The following FKBP7 variants were observed in gnomAD, a reference collection of about 807,000 sequenced individuals.
The protein encoded by FKBP7 is FKBP prolyl isomerase 7, also known as peptidyl-prolyl cis-trans isomerase FKBP7.
Under a neutral mutation model 24.3 loss-of-function variants are expected in FKBP7, and 24 were observed. The ratio of observed to expected loss-of-function variants is 0.99; its 90% CI spans 0.72 to 1.39. FKBP7 has a LOEUF of 1.39. Among genes scored for constraint, FKBP7 ranks in the 40% most tolerant of loss-of-function variants. The probability of loss-of-function intolerance (pLI) is 0.00; values close to 1 mark genes in which losing one functional copy is unlikely to be tolerated. For synonymous variants in FKBP7, 98 were observed against 92.8 expected, an observed-to-expected ratio of 1.06 and a Z score of -0.32; for missense variants, 257 against 269.5, an observed-to-expected ratio of 0.95 and a Z score of 0.33.
At chr2:178,470,112 G>A (rs1266358199) in intron 2 of FKBP7, among the ~76,000 whole-genome samples, 1 of 151,784 alleles carries the variant, frequency 6.6e-6, no homozygotes, top group Non-Finnish European at 1.5e-5. Flanking sequence ...ATTAATGCAT[G>A]GATATGACCC....
intron 1 of FKBP7, 116 bp from the exon 2 acceptor site, chr2:178,477,329 T>C (rs1362245178): frequency 9.8e-7 from 1 of 1,016,212 alleles, no homozygotes; most frequent in Admixed American, 2.8e-5. Context: ...AATCACTCTT[T>C]CTAAAACCCT....
intron 1 of FKBP7, 113 bp downstream of exon 1, chr2:178,478,166 T>C (rs1657384764): frequency 4.2e-6 from 5 of 1,183,554 alleles, no homozygotes; most frequent in South Asian, 1.4e-5. Context: ...AGGGCTCAAC[T>C]TTTACCGTTA....
At position 178,478,344 on chromosome 2, in the gene FKBP7, C is replaced by T; in HGVS notation, c.156G>A (p.Lys52=). 6.2e-7 allele frequency: 1 copy of T among 1,614,128 alleles called. No individual in the cohort carries two copies. The highest frequency in any genetic ancestry group is 8.5e-7 in the Non-Finnish European group (1 of 1,180,018). Reference sequence around the variant, plus strand: ...CATAATGGGCATTTAGTAGGTCTCCCTTCTTGCTTGTCTTAGAGCAGTTTT... The same window carrying T: ...CATAATGGGCATTTAGTAGGTCTCCTTTCTTGCTTGTCTTAGAGCAGTTTT... The part of the protein sequence containing the change: ...RPENCSKTSK[K]GDLLNAHYDG... Residue 52 remains lysine, a synonymous_variant, in exon 1 of 4, where the codon AAG becomes AAA. Coordinates refer to ENST00000424785, the MANE Select transcript of FKBP7 (RefSeq NM_181342.3).
intron 2 of FKBP7, 85 bp downstream of exon 2, chr2:178,476,977 A>G: frequency 2.0e-6 from 2 of 992,472 alleles, no homozygotes; most frequent in Non-Finnish European, 2.9e-6. Flanking sequence ...CTGTGCTTTC[A>G]ATTCTTTCAG....
chr2:178,470,376 CA>C (rs1216913802), intron 2 of FKBP7, among the ~76,000 whole-genome samples: 2 of 152,168 alleles, frequency 1.3e-5, no homozygotes, highest in African/African-American at 4.8e-5. Flanking sequence ...CATTTTGTAT[CA>C]GGGGCTTGAG....
intron 1 of FKBP7, among the ~76,000 whole-genome samples, chr2:178,477,476 G>A (rs1162314451): frequency 6.6e-6 from 1 of 152,022 alleles, no homozygotes; most frequent in Admixed American, 6.6e-5. Context: ...ACTTTTTAAT[G>A]GGTCTCCAGC....
chr2:178,468,573 G>A (rs1357631968), intron 3 of FKBP7, among the ~76,000 whole-genome samples: 3 of 151,838 alleles, frequency 2.0e-5, no homozygotes, highest in African/African-American at 7.3e-5. Context: ...AGTGAGCTAT[G>A]ATCACTTCAC....
At position 178,463,666 on chromosome 2, in the gene FKBP7, G is replaced by A. The variant is rs1379710722; in HGVS notation, c.*2104C>T. On this transcript the variant is annotated 3_prime_UTR_variant, in exon 4 of 4. Coordinates refer to ENST00000424785, the MANE Select transcript of FKBP7 (RefSeq NM_181342.3). Reference sequence around the variant, plus strand: ...ATATGAAATACTTGTACACTGTATTGTATGTAGAATGATTATAAATTTATT... The same window carrying A: ...ATATGAAATACTTGTACACTGTATTATATGTAGAATGATTATAAATTTATT... The A allele has an allele frequency of 6.6e-6, 1 of 151,914 alleles. No individual in the cohort carries two copies. The highest frequency in any genetic ancestry group is 1.5e-5 in the Non-Finnish European group (1 of 68,012). The allele number at this position is 151,914 out of a possible 1,614,324, so 9.4% of individuals were successfully genotyped here.
chr2:178,478,159 G>A (rs1428902059), intron 1 of FKBP7, 120 bp downstream of exon 1: 6 of 1,018,752 alleles, frequency 5.9e-6, no homozygotes, highest in Non-Finnish European at 8.6e-6. Flanking sequence ...TGAATAAAGG[G>A]CTCAACTTTT....
At chr2:178,473,101 GAC>G (rs1283784421) in intron 2 of FKBP7, 1 of 1,304,972 alleles carries the variant, frequency 7.7e-7, no homozygotes, top group African/African-American at 1.5e-5. Flanking sequence ...TGTGACATGA[GAC>G]AAGGATATTT....
chr2:178,470,170 G>C (rs1026417704), intron 2 of FKBP7, among the ~76,000 whole-genome samples: 1 of 151,974 alleles, frequency 6.6e-6, no homozygotes, highest in Non-Finnish European at 1.5e-5. Flanking sequence ...GTCTCGGCTT[G>C]AAAATATTCA....
chr2:178,466,566 G>T (rs62176114), intron 3 of FKBP7, among the ~76,000 whole-genome samples: 5,085 of 152,088 alleles, frequency 0.033, 101 homozygotes, highest in East Asian at 0.086. Context: ...AACATGGCTA[G>T]ATCAAAATGA....
At chr2:178,472,037 A>G (rs550390105) in intron 2 of FKBP7, among the ~76,000 whole-genome samples, 1 of 152,114 alleles carries the variant, frequency 6.6e-6, no homozygotes, top group Admixed American at 6.5e-5. Flanking sequence ...ACAATAATTC[A>G]AGGCAAACTC....
chr2:178,473,057 A>G, intron 2 of FKBP7: 1 of 1,304,134 alleles, frequency 7.7e-7, no homozygotes. Flanking sequence ...AGCACTAACA[A>G]GTCACATGCA....
At chr2:178,478,209 G>T in intron 1 of FKBP7, 70 bp downstream of exon 1, 1 of 1,564,582 alleles carries the variant, frequency 6.4e-7, no homozygotes, top group Non-Finnish European at 8.7e-7. Context: ...AACCAATGAG[G>T]CTTCCGCTTG....
At chr2:178,473,964 GA>G (rs1684929029) in intron 2 of FKBP7, among the ~76,000 whole-genome samples, 1 of 152,094 alleles carries the variant, frequency 6.6e-6, no homozygotes, top group African/African-American at 2.4e-5. Flanking sequence ...AAGTTATCTG[GA>G]AATTGTCTCT....
Position 178,465,814 on chromosome 2 carries a change from T to C in FKBP7, c.625A>G (p.Ile209Val). The change falls in exon 4 of 4, where the codon ATT becomes GTT. Residue 209 changes from isoleucine (I) to valine (V), a missense_variant. Physicochemically the swap from Ile to Val is conservative, Grantham distance 29. Transcript: ENST00000424785. ...KKNDHDGDGF[I>V]SPKEYNVYQH... is the part of the protein sequence containing the mutation. Reference sequence around the variant, plus strand: ...TATACATTGTATTCCTTGGGAGAAATGAAGCCATCACCATCATGGTCATTC... The same window carrying C: ...TATACATTGTATTCCTTGGGAGAAACGAAGCCATCACCATCATGGTCATTC... 6.2e-7 allele frequency: 1 copy of C among 1,610,510 alleles called. No individual in the cohort carries two copies.
Position 178,472,917 on chromosome 2 carries a change from T to TTA in FKBP7, c.374-3133_374-3132insTA, listed in dbSNP as rs1553602899. ...CTTTTTCTTGTTTTTTTTTTTTTTT[T>TTA]AAAAAAAACTAAAGTATAAAAATGA... On this transcript the variant is annotated intron_variant, in intron 2 of 3. Transcript: ENST00000424785. The TTA allele has an allele frequency of 3.6e-4, 86 of 239,738 alleles. 1 individual carries two copies. Among genetic ancestry groups the TTA allele is most frequent in the South Asian group, 6.5e-4 (14 of 21,576 alleles). The allele number at this position is 239,738 out of a possible 1,614,324, so 14.9% of individuals were successfully genotyped here.
chr2:178,465,767 A>G lies in FKBP7; in HGVS notation c.*3T>C. The G allele has an allele frequency of 4.5e-6, 7 of 1,563,230 alleles. No individual in the cohort carries two copies. Among genetic ancestry groups the G allele is most frequent in the Non-Finnish European group, 6.0e-6 (7 of 1,160,218 alleles). On this transcript the variant is annotated 3_prime_UTR_variant, in exon 4 of 4. Transcript: ENST00000424785. Reference sequence around the variant, plus strand: ...AAAAAAAAAAAGTAGAAATACAAATATGCTATAGTTCATCGTGTTGGTATA... The same window carrying G: ...AAAAAAAAAAAGTAGAAATACAAATGTGCTATAGTTCATCGTGTTGGTATA...
Sources: allele counts gnomAD v4.1 joint callset (sites outside exome capture counted in the v4.1 genomes callset), GRCh38; gene constraint gnomAD v4.1.1; transcripts MANE v1.5; gene names NCBI Gene and HGNC (gene_info 2026-07-23, HGNC 2026-07-21).